The following SND1 variants were observed in gnomAD, a reference collection of about 807,000 sequenced individuals.
The protein encoded by SND1 is staphylococcal nuclease and tudor domain containing 1.
In SND1, 38 loss-of-function variants were observed where a neutral mutation model predicts 121.7. That is an observed-to-expected ratio of 0.31 (90% CI 0.24 to 0.41). The LOEUF is 0.41. Among genes scored for constraint, SND1 ranks in the 10% least tolerant of loss-of-function variants. The pLI, the probability that SND1 is intolerant of heterozygous loss-of-function variation, is 1.00. For synonymous variants in SND1, 401 were observed against 447.4 expected, an observed-to-expected ratio of 0.90 and a Z score of 1.31; for missense variants, 868 against 1,184.6, an observed-to-expected ratio of 0.73 and a Z score of 3.92.
chr7:127,938,317 G>A (rs930801803), intron 15 of SND1, among the ~76,000 whole-genome samples: 12 of 152,278 alleles, frequency 7.9e-5, no homozygotes, highest in African/African-American at 2.6e-4. Context: ...AAGAAAAGTA[G>A]TCTTCAATAG....
intron 12 of SND1, among the ~76,000 whole-genome samples, chr7:127,860,203 A>G (rs1370921472): frequency 3.9e-5 from 6 of 152,214 alleles, no homozygotes; most frequent in Non-Finnish European, 7.3e-5. Flanking sequence ...TCTTCTTGGT[A>G]ATGTAAAATT....
At chr7:128,082,865 G>A (rs1221282509) in intron 18 of SND1, among the ~76,000 whole-genome samples, 1 of 152,158 alleles carries the variant, frequency 6.6e-6, no homozygotes, top group East Asian at 1.9e-4. Context: ...GGGAGGACCC[G>A]CCTTGACTCA....
chr7:128,049,882 G>A (rs889058930), intron 16 of SND1, among the ~76,000 whole-genome samples: 1 of 152,196 alleles, frequency 6.6e-6, no homozygotes, highest in African/African-American at 2.4e-5. Flanking sequence ...GAGATTCTGA[G>A]CTAATGTCTT....
chr7:128,052,647 A>G lies in SND1; in HGVS notation c.1780-21855A>G, dbSNP rs1459669496. On this transcript the variant is annotated intron_variant, in intron 16 of 23. Coordinates refer to ENST00000354725, the MANE Select transcript of SND1 (RefSeq NM_014390.4). The surrounding 1 kb of genome is among the most constrained non-coding windows in gnomAD (Gnocchi z 4.6). Reference sequence around the variant, plus strand: ...CTCAGCATCAGAGTGACAGCTGCATACCAGGCTGTTTGCTGAACACAACTC... The same window carrying G: ...CTCAGCATCAGAGTGACAGCTGCATGCCAGGCTGTTTGCTGAACACAACTC... Among the ~76,000 whole-genome samples, 1 of 152,228 alleles carries G rather than the reference A, an allele frequency of 6.6e-6. No individual in the cohort carries two copies. The highest frequency in any genetic ancestry group is 1.5e-5 in the Non-Finnish European group (1 of 68,038).
chr7:128,085,634 C>A lies in SND1; in HGVS notation c.2235-77C>A. The A allele has an allele frequency of 7.7e-7, 1 of 1,293,700 alleles. No individual in the cohort carries two copies. The highest frequency in any genetic ancestry group is 1.1e-6 in the Non-Finnish European group (1 of 893,000). The allele number at this position is 1,293,700 out of a possible 1,614,324, so 80.1% of individuals were successfully genotyped here. ...CAGGCAGGGAAATGCTGTGCCCCTG[C>A]CCCGCCATTGCTGAGGCTCTGGGAG... is the stretch of plus-strand genomic sequence containing the variant. On this transcript the variant is annotated intron_variant, in intron 19 of 23. Transcript: ENST00000354725. The surrounding 1 kb of genome is among the most constrained non-coding windows in gnomAD (Gnocchi z 4.4).
At chr7:127,801,951 C>T (rs754344054) in intron 10 of SND1, among the ~76,000 whole-genome samples, 14 of 152,154 alleles carry the variant, frequency 9.2e-5, no homozygotes, top group Non-Finnish European at 1.9e-4. Context: ...ACGCCATTCT[C>T]CTGCCTCAGC....
rs757269922 is a variant in SND1, at chr7:128,029,680, T to C, written c.1779+38624T>C. On this transcript the variant is annotated intron_variant, in intron 16 of 23. Coordinates refer to ENST00000354725, the MANE Select transcript of SND1 (RefSeq NM_014390.4). This position sits in a 1 kb window ranked among gnomAD's most constrained non-coding sequence, Gnocchi z 4.2. Reference sequence around the variant, plus strand: ...CAGCGGCCACAGCAGGTGGAATTGGTGGGTATATACTCTCGAAGCCACCAG... The same window carrying C: ...CAGCGGCCACAGCAGGTGGAATTGGCGGGTATATACTCTCGAAGCCACCAG... 1.2e-6 allele frequency: 2 copies of C among 1,613,560 alleles called. No individual in the cohort carries two copies. Among genetic ancestry groups the C allele is most frequent in the Admixed American group, 1.7e-5 (1 of 59,974 alleles).
At chr7:127,733,035 T>TA (rs1269861504) in intron 10 of SND1, among the ~76,000 whole-genome samples, 1 of 152,192 alleles carries the variant, frequency 6.6e-6, no homozygotes, top group Non-Finnish European at 1.5e-5. Context: ...TGGTTCAAGA[T>TA]ACTTTTTTCA....
chr7:127,924,505 T>C (rs760088709), intron 14 of SND1, among the ~76,000 whole-genome samples: 2 of 152,318 alleles, frequency 1.3e-5, no homozygotes, highest in South Asian at 4.1e-4. Flanking sequence ...TTGGGGACTT[T>C]CATTGGAGAA....
intron 5 of SND1, among the ~76,000 whole-genome samples, chr7:127,701,661 A>G (rs2116339646): frequency 6.6e-6 from 1 of 152,346 alleles, no homozygotes; most frequent in South Asian, 2.1e-4. Context: ...TATTCTGTAT[A>G]CATCTAAACA....
intron 16 of SND1, among the ~76,000 whole-genome samples, chr7:128,012,615 C>T (rs1030107484): frequency 6.6e-6 from 1 of 152,210 alleles, no homozygotes; most frequent in Admixed American, 6.5e-5. Flanking sequence ...TCTTCAGTGC[C>T]TATTCCAACT....
intron 10 of SND1, among the ~76,000 whole-genome samples, chr7:127,801,905 G>A (rs910006544): frequency 2.0e-5 from 3 of 151,934 alleles, no homozygotes; most frequent in Non-Finnish European, 4.4e-5. Context: ...GCAGTGGCGC[G>A]ATCTCAGCTC....
intron 12 of SND1, among the ~76,000 whole-genome samples, chr7:127,852,856 G>T (rs1057202850): frequency 2.5e-4 from 38 of 151,840 alleles, no homozygotes; most frequent in Non-Finnish European, 4.0e-4. Flanking sequence ...TCTGTTGTCT[G>T]AATTATCTGT....
rs148904000 is a variant in SND1 at position 127,703,485 on chromosome 7, G to A, written c.840+162G>A. 3.1e-3 allele frequency among the ~76,000 whole-genome samples: 477 copies of A among 152,340 alleles called. 2 individuals carry two copies. The highest frequency in any genetic ancestry group is 9.8e-3 in the African/African-American group (407 of 41,576). ...TCCCACCACTTTGGGAGGCCAAGGC[G>A]GGTGGATCACGAAGTTAGGAGATTG... On this transcript the variant is annotated intron_variant, in intron 7 of 23. Coordinates refer to ENST00000354725, the MANE Select transcript of SND1 (RefSeq NM_014390.4).
chr7:127,725,410 C>T (rs1796565499), intron 10 of SND1, among the ~76,000 whole-genome samples: 1 of 152,188 alleles, frequency 6.6e-6, no homozygotes, highest in Non-Finnish European at 1.5e-5. Flanking sequence ...ATTTTAGCTC[C>T]TGTTCTCCCT....
chr7:128,003,851 T>C (rs938864810), intron 16 of SND1, among the ~76,000 whole-genome samples: 3 of 152,096 alleles, frequency 2.0e-5, no homozygotes, highest in Non-Finnish European at 4.4e-5. Context: ...ACAGCCAAGC[T>C]CCCTACCTCT....
At position 128,074,596 on chromosome 7, in the gene SND1, A is replaced by G; in HGVS notation, c.1874A>G (p.His625Arg). 1 of 1,613,802 alleles carries G rather than the reference A, an allele frequency of 6.2e-7. No homozygotes were observed. Among genetic ancestry groups the G allele is most frequent in the African/African-American group, 1.3e-5 (1 of 75,042 alleles). ...AACCTGTCCGTCCTGCTGGTGGAGC[A>G]CGCGCTCTCCAAGGTCCACTTCACC... ...GANLSVLLVE[H>R]ALSKVHFTAE... Residue 625 changes from histidine to arginine, a missense_variant, in exon 17 of 24, where the codon CAC (histidine) becomes CGC (arginine). Physicochemically the swap from His to Arg is conservative, Grantham distance 29. Around this residue, in one of 2 missense-constraint regions of SND1, gnomAD observed 743 missense variants for 1,071.3 expected, o/e 0.69. Transcript: ENST00000354725.
intron 12 of SND1, among the ~76,000 whole-genome samples, chr7:127,883,087 G>A (rs544502642): frequency 5.8e-4 from 88 of 152,260 alleles, no homozygotes; most frequent in Non-Finnish European, 1.0e-3. Flanking sequence ...GGTGGTTCCT[G>A]ATATAAACAA....
At chr7:127,928,495 G>A (rs534240492) in intron 14 of SND1, among the ~76,000 whole-genome samples, 57 of 149,564 alleles carry the variant, frequency 3.8e-4, no homozygotes, top group Non-Finnish European at 7.0e-4. Context: ...ATGTGAGATA[G>A]CCTAGGCGTC....
Sources: gnomAD v4.1 joint callset for allele counts (sites outside exome capture counted in the v4.1 genomes callset) on GRCh38, gnomAD v4.1.1 for gene constraint, gnomAD v4.1.1 regional missense constraint, Gnocchi (gnomAD v3.1) non-coding constraint, MANE v1.5 for transcripts, NCBI Gene and HGNC (gene_info 2026-07-23, HGNC 2026-07-21) for gene names.